The following LSP1 variants were observed in gnomAD, a reference collection of about 807,000 sequenced individuals.
LSP1 encodes the protein lymphocyte specific protein 1.
In LSP1, 32 loss-of-function variants were observed where a neutral mutation model predicts 49.3. The ratio of observed to expected loss-of-function variants is 0.65; its 90% confidence interval spans 0.49 to 0.87. The LOEUF (loss-of-function observed/expected upper bound fraction) is 0.87, where lower values mean the gene tolerates loss of function less well. LSP1 is among the 40% of genes least tolerant of loss of function. The pLI, the probability that LSP1 is intolerant of heterozygous loss-of-function variation, is 0.00. For missense variants in LSP1, 428 were observed against 442.6 expected (o/e 0.97, Z 0.30); for synonymous variants, 179 against 178.8 (o/e 1.00, Z -0.01).
chr11:1,883,413 C>A lies in LSP1; in HGVS notation c.357-6C>A. On this transcript the variant is annotated splice_polypyrimidine_tract_variant and splice_region_variant and intron_variant, in intron 3 of 10. Transcript: ENST00000311604. ...AGAACGGCTTTGCCTCCCTTTCCAC[C>A]CACAGGCCCGGCCTGCATGCCTACG... 6.2e-7 allele frequency: 1 copy of A among 1,613,832 alleles called. No homozygotes were observed. The highest frequency in any genetic ancestry group is 8.5e-7 in the Non-Finnish European group (1 of 1,179,866).
rs376291236 is a variant in LSP1, at chr11:1,884,000, G to A, written c.567G>A (p.Ser189=). The change falls in exon 5 of 11, where the codon TCG becomes TCA. Residue 189 remains serine, a synonymous_variant. Coordinates refer to ENST00000311604, the MANE Select transcript of LSP1 (RefSeq NM_002339.3). ...LVLEGTIEQS[S]PPLSPTTKLI... ...TGGAGGGGACCATCGAACAGAGCTCGCCTCCCCTGAGCCCTACCACCAAAG... is the reference window on the plus strand; with the variant it reads ...TGGAGGGGACCATCGAACAGAGCTCACCTCCCCTGAGCCCTACCACCAAAG... 6.6e-5 allele frequency: 106 copies of A among 1,612,432 alleles called. No individual in the cohort carries two copies. The highest frequency in any genetic ancestry group is 8.1e-5 in the Non-Finnish European group (96 of 1,179,596).
chr11:1,871,215 A>T (rs1456017878), intron 1 of LSP1: 2 of 986,240 alleles, frequency 2.0e-6, no homozygotes, highest in African/African-American at 1.7e-5. Flanking sequence ...GGAGGGGGGA[A>T]GAAAGAGCAG....
intron 1 of LSP1, among the ~76,000 whole-genome samples, chr11:1,862,778 G>A (rs61868770): frequency 9.5e-4 from 19 of 20,064 alleles, no homozygotes; most frequent in African/African-American, 3.0e-3. Flanking sequence ...TCCCCTGGGT[G>A]ATCTCACCTC....
chr11:1,884,429 G>A lies in LSP1; in HGVS notation c.636-71G>A. 6.2e-7 allele frequency: 1 copy of A among 1,604,124 alleles called. No homozygotes were observed. Among genetic ancestry groups the A allele is most frequent in the Middle Eastern group, 1.7e-4 (1 of 6,054 alleles). ...AGATCTGGAGACCGAGGGGGGCTCTGGGAGAGGCTTGGGCAGGTTGGGAGA... is the reference window on the plus strand; with the variant it reads ...AGATCTGGAGACCGAGGGGGGCTCTAGGAGAGGCTTGGGCAGGTTGGGAGA... On this transcript the variant is annotated intron_variant, in intron 6 of 10. Coordinates refer to ENST00000311604, the MANE Select transcript of LSP1 (RefSeq NM_002339.3). The surrounding 1 kb of genome is among the most constrained non-coding windows in gnomAD (Gnocchi z 4.1).
At chr11:1,875,880 G>C (rs1187860323) in intron 1 of LSP1, among the ~76,000 whole-genome samples, 2 of 152,142 alleles carry the variant, frequency 1.3e-5, no homozygotes, top group Non-Finnish European at 2.9e-5. Context: ...TCCCAGCTGC[G>C]TCCCCAGCTG....
rs773299985 is a variant in LSP1, at chr11:1,887,208, C to G, written c.853-29C>G. 3.2e-5 allele frequency: 46 copies of G among 1,448,106 alleles called. No individual in the cohort carries two copies. In the South Asian group the frequency reaches 5.4e-4, roughly 17 times the overall value. 89.7% of individuals were successfully genotyped at this position (1,448,106 alleles called of 1,614,324 possible). On this transcript the variant is annotated intron_variant, in intron 8 of 10. Transcript: ENST00000311604. ...ACTCCCCAAGATCCAGGGGTCTGCCCTTGTGACATACCCTTCTGCTGCCCC... is the reference window on the plus strand; with the variant it reads ...ACTCCCCAAGATCCAGGGGTCTGCCGTTGTGACATACCCTTCTGCTGCCCC...
At chr11:1,865,680 G>A (rs1005910572) in intron 1 of LSP1, among the ~76,000 whole-genome samples, 9 of 150,620 alleles carry the variant, frequency 6.0e-5, no homozygotes, top group Admixed American at 2.7e-4. Flanking sequence ...CTGCACCGCC[G>A]GCTGCACTGT....
chr11:1,858,717 C>T (rs1006405896), intron 1 of LSP1, among the ~76,000 whole-genome samples: 1 of 152,216 alleles, frequency 6.6e-6, no homozygotes, highest in Non-Finnish European at 1.5e-5. Flanking sequence ...CTACAGCCGG[C>T]CCAGCCCCCA....
intron 10 of LSP1, chr11:1,890,283 G>GGGCGTGGGGCTTCAGGAA: frequency 2.8e-6 from 2 of 712,554 alleles, no homozygotes; most frequent in East Asian, 2.7e-5. Flanking sequence ...AGCCTCGGCG[G>GGGCGTGGGGCTTCAGGAA]GGCGTGGGGC....
At chr11:1,854,053 G>A (rs373482742) in intron 1 of LSP1, among the ~76,000 whole-genome samples, 7 of 152,138 alleles carry the variant, frequency 4.6e-5, no homozygotes, top group Admixed American at 1.3e-4. Flanking sequence ...AGTTGCCCCC[G>A]GTGCAGGTCC....
chr11:1,883,047 C>T (rs752410381), intron 3 of LSP1, among the ~76,000 whole-genome samples: 1 of 152,224 alleles, frequency 6.6e-6, no homozygotes, highest in Non-Finnish European at 1.5e-5. Flanking sequence ...CCCCAGCAGC[C>T]CGGCCTCGCG....
At chr11:1,863,527 T>A (rs1398624369) in intron 1 of LSP1, 3 of 152,306 alleles carry the variant, frequency 2.0e-5, no homozygotes, top group Non-Finnish European at 2.9e-5. Flanking sequence ...GGTTTCTCCA[T>A]CCTGGACATG....
chr11:1,872,087 CT>C (rs1490789107), intron 1 of LSP1, among the ~76,000 whole-genome samples: 12 of 138,138 alleles, frequency 8.7e-5, no homozygotes, highest in African/African-American at 1.4e-4. Context: ...TGGGGTCTGT[CT>C]GGCTGGCGTG....
intron 1 of LSP1, among the ~76,000 whole-genome samples, chr11:1,878,430 G>A (rs1433910661): frequency 9.2e-5 from 14 of 152,290 alleles, no homozygotes; most frequent in South Asian, 6.2e-4. Flanking sequence ...CTCGGGGGCC[G>A]GGAGTTGAAG....
intron 1 of LSP1, among the ~76,000 whole-genome samples, chr11:1,862,925 T>C (rs1412168437): frequency 6.6e-6 from 1 of 152,204 alleles, no homozygotes; most frequent in Non-Finnish European, 1.5e-5. Context: ...TCCAGAATCC[T>C]GTGGTCTCTG....
intron 1 of LSP1, among the ~76,000 whole-genome samples, chr11:1,872,204 G>A (rs1164350384): frequency 1.3e-4 from 17 of 134,956 alleles, no homozygotes; most frequent in Non-Finnish European, 4.7e-5. Context: ...GCACCTTTGG[G>A]ACGGGGTGTG....
At chr11:1,889,196 G>T (rs905189546) in intron 10 of LSP1, 4 of 674,342 alleles carry the variant, frequency 5.9e-6, no homozygotes, top group African/African-American at 5.4e-5. Flanking sequence ...TGGGCTGGGG[G>T]CTCAGCTCCA....
chr11:1,864,544 G>C (rs1170623028), intron 1 of LSP1, among the ~76,000 whole-genome samples: 2 of 152,124 alleles, frequency 1.3e-5, no homozygotes, highest in East Asian at 3.9e-4. Context: ...GTCTGGCTGA[G>C]CCCCACGCTG....
chr11:1,863,433 G>C (rs1318867994), intron 1 of LSP1: 1 of 152,306 alleles, frequency 6.6e-6, no homozygotes, highest in Non-Finnish European at 1.5e-5. Flanking sequence ...TGGGTGGCCA[G>C]CGGCCGGCAG....
Sources: gnomAD v4.1 joint callset for allele counts (sites outside exome capture counted in the v4.1 genomes callset) on GRCh38, gnomAD v4.1.1 for gene constraint, Gnocchi (gnomAD v3.1) non-coding constraint, MANE v1.5 for transcripts, NCBI Gene and HGNC (gene_info 2026-07-23, HGNC 2026-07-21) for gene names.